Variants in BTBD7 observed in about 807,000 individuals in gnomAD.
BTBD7 encodes the protein BTB/POZ domain-containing protein 7.
A neutral mutation model predicts 99.9 loss-of-function variants in BTBD7; 38 were observed. That is an observed-to-expected ratio of 0.38 (90% CI 0.29 to 0.50). The LOEUF (loss-of-function observed/expected upper bound fraction) is 0.50, where lower values mean the gene tolerates loss of function less well. BTBD7 is among the 20% of genes least tolerant of loss of function. The pLI is 0.93. For missense variants in BTBD7, 1,170 were observed against 1,394.6 expected (o/e 0.84, Z 2.57); for synonymous variants, 520 against 511.4 (o/e 1.02, Z -0.23).
chr14:93,282,009 T>C (rs2052725998), intron 3 of BTBD7, among the ~76,000 whole-genome samples: 1 of 152,164 alleles, frequency 6.6e-6, no homozygotes, highest in South Asian at 2.1e-4. Flanking sequence ...GAGTAGGTGC[T>C]CAATACATTC....
rs1180118648 is a variant in BTBD7, at chr14:93,294,542, A to G, written c.478T>C (p.Leu160=). Residue 160 remains leucine (L), a synonymous_variant, in exon 3 of 11, where the codon TTG becomes CTG. Coordinates refer to ENST00000334746, the MANE Select transcript of BTBD7 (RefSeq NM_001002860.4). ...ETCFPVHRAI[L]AARCPFFKTL... is the part of the protein sequence containing the mutation. Reference sequence around the variant, plus strand: ...TTAAAAAATGGACACCTTGCTGCCAAAATGGCACGATGAACAGGAAAACAA... The same window carrying G: ...TTAAAAAATGGACACCTTGCTGCCAGAATGGCACGATGAACAGGAAAACAA... The G allele has an allele frequency of 6.2e-7, 1 of 1,613,908 alleles. No individual in the cohort carries two copies. Among genetic ancestry groups the G allele is most frequent in the Non-Finnish European group, 8.5e-7 (1 of 1,179,974 alleles).
At chr14:93,259,432 G>A (rs1364552747) in intron 5 of BTBD7, among the ~76,000 whole-genome samples, 1 of 152,196 alleles carries the variant, frequency 6.6e-6, no homozygotes, top group Non-Finnish European at 1.5e-5. Context: ...CACTTGGTAA[G>A]GAGATCTGAA....
intron 1 of BTBD7, among the ~76,000 whole-genome samples, chr14:93,297,977 T>C (rs1252442896): frequency 6.6e-6 from 1 of 152,232 alleles, no homozygotes; most frequent in South Asian, 2.1e-4. Context: ...GAAGTGTTTC[T>C]AAAGGTAAGA....
Position 93,257,370 on chromosome 14 carries a change from A to T in BTBD7, c.1448-15T>A, listed in dbSNP as rs1357473879. The T allele has an allele frequency of 6.3e-7, 1 of 1,584,354 alleles. No homozygotes were observed. The highest frequency in any genetic ancestry group is 1.9e-5 in the Admixed American group (1 of 52,682). On this transcript the variant is annotated splice_polypyrimidine_tract_variant and intron_variant, in intron 5 of 10. Coordinates refer to ENST00000334746, the MANE Select transcript of BTBD7 (RefSeq NM_001002860.4). ...TAAGTTTGGCTCTATGAGACAGAAAATGAAAAGTTTCCAACCAAATCCAAA... is the reference window on the plus strand; with the variant it reads ...TAAGTTTGGCTCTATGAGACAGAAATTGAAAAGTTTCCAACCAAATCCAAA...
intron 1 of BTBD7, among the ~76,000 whole-genome samples, chr14:93,327,330 A>T (rs1217317779): frequency 6.6e-6 from 1 of 152,198 alleles, no homozygotes; most frequent in African/African-American, 2.4e-5. Context: ...CTAGAAATAC[A>T]AATGTGAGCC....
At chr14:93,301,758 T>C (rs8003421) in intron 1 of BTBD7, among the ~76,000 whole-genome samples, 20,997 of 152,138 alleles carry the variant, frequency 0.14, 2,044 homozygotes, top group African/African-American at 0.28. Flanking sequence ...AATACTTCAC[T>C]CCTGTCAAAT....
Position 93,300,772 on chromosome 14 carries a change from G to GTGTGTGTGTGTGTA in BTBD7, c.-106-4616_-106-4615insTACACACACACACA, listed in dbSNP as rs1438410480. Among the ~76,000 whole-genome samples, 28 of 67,866 alleles carry GTGTGTGTGTGTGTA rather than the reference G, an allele frequency of 4.1e-4. 2 individuals carry two copies. The highest frequency in any genetic ancestry group is 8.8e-4 in the East Asian group (2 of 2,266). 44.5% of individuals were successfully genotyped at this position (67,866 alleles called of 152,430 possible). ...TGTGTGTGTGTGTGTGTGTGTGTGT[G>GTGTGTGTGTGTGTA]TATATATATATATATTTTTTTTTTG... On this transcript the variant is annotated intron_variant, in intron 1 of 10. Coordinates refer to ENST00000334746, the MANE Select transcript of BTBD7 (RefSeq NM_001002860.4).
chr14:93,271,920 C>A (rs543120307), intron 3 of BTBD7, among the ~76,000 whole-genome samples: 3 of 152,114 alleles, frequency 2.0e-5, no homozygotes, highest in Non-Finnish European at 2.9e-5. Flanking sequence ...GTGGGAAGAC[C>A]GCTTGAACCT....
intron 1 of BTBD7, among the ~76,000 whole-genome samples, chr14:93,299,687 G>A (rs1366402558): frequency 6.6e-6 from 1 of 152,082 alleles, no homozygotes. Flanking sequence ...GAATCATGTT[G>A]AATGCAAGAA....
At position 93,331,885 on chromosome 14, in the gene BTBD7, C is replaced by CCA. The variant is rs1555394560; in HGVS notation, c.-107+934_-107+935insTG. On this transcript the variant is annotated intron_variant, in intron 1 of 10. Transcript: ENST00000334746. The stretch of plus-strand genomic sequence containing the variant: ...GACAGAGCGAGACTCCGTCTCCCCC[C>CCA]CCCCAAAAAGGTTGTTAGTTGAAAA... Among the ~76,000 whole-genome samples, 8 of 147,164 alleles carry CCA rather than the reference C, an allele frequency of 5.4e-5. No homozygotes were observed. The South Asian group carries it at 6.4e-4, about 12-fold the overall frequency.
chr14:93,313,915 T>G (rs1239710204), intron 1 of BTBD7, among the ~76,000 whole-genome samples: 1 of 151,674 alleles, frequency 6.6e-6, no homozygotes, highest in African/African-American at 2.4e-5. Flanking sequence ...CAACAAAATT[T>G]TTTTTTTTTT....
At chr14:93,248,372 T>C (rs527699942) in intron 9 of BTBD7, 104 bp downstream of exon 9, 1 of 1,227,582 alleles carries the variant, frequency 8.1e-7, no homozygotes, top group East Asian at 2.4e-5. Flanking sequence ...AAAAAGCACA[T>C]ACGACGAAAA....
At position 93,296,160 on chromosome 14, in the gene BTBD7, T is replaced by C; in HGVS notation, c.-106-3A>G. ...CAGCAGCCTCTTTTCATCCATTTCT[T>C]GATATGAAATAAAAATAATTTAATT... On this transcript the variant is annotated splice_polypyrimidine_tract_variant and splice_region_variant and intron_variant, in intron 1 of 10. Coordinates refer to ENST00000334746, the MANE Select transcript of BTBD7 (RefSeq NM_001002860.4). 7.6e-7 allele frequency: 1 copy of C among 1,315,532 alleles called. No homozygotes were observed. The highest frequency in any genetic ancestry group is 2.5e-5 in the South Asian group (1 of 40,586). 81.5% of individuals were successfully genotyped at this position (1,315,532 alleles called of 1,614,324 possible).
intron 3 of BTBD7, among the ~76,000 whole-genome samples, chr14:93,283,261 T>C (rs2052741213): frequency 6.6e-6 from 1 of 152,162 alleles, no homozygotes; most frequent in Admixed American, 6.5e-5. Context: ...CTATTCTTTT[T>C]AGAGACGTGG....
Position 93,332,844 on chromosome 14 carries a change from T to C in BTBD7, c.-131A>G. ...CCCCGGAGGCTCCTCCCGCCGCTGC[T>C]GCTGCCGCTGGGACCGCTGCCGTCG... On this transcript the variant is annotated 5_prime_UTR_variant, in exon 1 of 11. Transcript: ENST00000334746. 1.4e-6 allele frequency: 2 copies of C among 1,478,490 alleles called. No individual in the cohort carries two copies. The highest frequency in any genetic ancestry group is 1.3e-5 in the South Asian group (1 of 78,888). The allele number at this position is 1,478,490 out of a possible 1,614,324, so 91.6% of individuals were successfully genotyped here.
intron 8 of BTBD7, among the ~76,000 whole-genome samples, chr14:93,250,668 C>G (rs186857582): frequency 1.3e-5 from 2 of 152,248 alleles, no homozygotes; most frequent in African/African-American, 4.8e-5. Context: ...TTTCTGACCA[C>G]CAGATCATTG....
intron 1 of BTBD7, among the ~76,000 whole-genome samples, chr14:93,321,684 G>A (rs1175129882): frequency 6.6e-6 from 1 of 152,172 alleles, no homozygotes; most frequent in Non-Finnish European, 1.5e-5. Context: ...TAAATCAGTG[G>A]CGATAAAGAC....
chr14:93,306,460 C>T (rs948342857), intron 1 of BTBD7, among the ~76,000 whole-genome samples: 3 of 146,264 alleles, frequency 2.1e-5, no homozygotes, highest in Admixed American at 1.4e-4. Context: ...AAAAAAAAGA[C>T]GTTATCAAGG....
intron 3 of BTBD7, 85 bp from the exon 4 acceptor site, chr14:93,264,078 T>G (rs1454613260): frequency 1.6e-6 from 2 of 1,233,448 alleles, no homozygotes; most frequent in Non-Finnish European, 2.3e-6. Context: ...TATTTAAAAG[T>G]CACAATAGCA....
Sources: allele counts gnomAD v4.1 joint callset (sites outside exome capture counted in the v4.1 genomes callset), GRCh38; gene constraint gnomAD v4.1.1; transcripts MANE v1.5; gene names NCBI Gene and HGNC (gene_info 2026-07-23, HGNC 2026-07-21).